The following GSDME variants were observed in gnomAD, a reference collection of about 807,000 sequenced individuals.
GSDME encodes the protein gasdermin E, also known as gasdermin-E.
Under a neutral mutation model 47.5 loss-of-function variants are expected in GSDME, and 44 were observed. That is an observed-to-expected ratio of 0.93 (90% CI 0.73 to 1.19). The LOEUF (loss-of-function observed/expected upper bound fraction) is 1.19, where lower values mean the gene tolerates loss of function less well. Among genes scored for constraint, GSDME ranks in the 50% most tolerant of loss-of-function variants. The pLI, the probability that GSDME is intolerant of heterozygous loss-of-function variation, is 0.00. For missense variants in GSDME, 663 were observed against 604.2 expected, an observed-to-expected ratio of 1.10 and a Z score of -1.02; for synonymous variants, 258 against 252.8, an observed-to-expected ratio of 1.02 and a Z score of -0.20.
In GSDME at chr7:24,706,273, C is replaced by T. The variant is rs745587452; in HGVS notation, c.1094G>A (p.Cys365Tyr). The part of the protein sequence containing the change: ...DLVAFLQLVG[C>Y]SLQGGCPGPE... ...GCCCGGACACCCACCCTGTAAGCTG[C>T]ACCCCACCAGCTGCAGGAAGGCCAC... Residue 365 changes from cysteine to tyrosine, a missense_variant, in exon 8 of 10, where the codon TGC (cysteine) becomes TAC (tyrosine). Coordinates refer to ENST00000645220, the MANE Select transcript of GSDME (RefSeq NM_001127453.2). The T allele has an allele frequency of 5.0e-6, 8 of 1,614,076 alleles. No homozygotes were observed. The highest frequency in any genetic ancestry group is 2.2e-5 in the South Asian group (2 of 91,090).
At chr7:24,795,455 C>T in the GSDME span, among the ~76,000 whole-genome samples, 3 of 152,106 alleles carry the variant, frequency 2.0e-5, no homozygotes, top group African/African-American at 4.8e-5. Context: ...CCGAGCTCCC[C>T]GAGTGAACAA....
intron 3 of GSDME, among the ~76,000 whole-genome samples, chr7:24,737,343 A>G (rs988645787): frequency 1.3e-5 from 2 of 152,080 alleles, no homozygotes. Flanking sequence ...AATTCAAAGG[A>G]TCATTAGAGG....
intron 4 of GSDME, among the ~76,000 whole-genome samples, chr7:24,718,391 C>T (rs371950711): frequency 2.6e-5 from 4 of 152,234 alleles, no homozygotes. Flanking sequence ...CACAGATCAG[C>T]TTGGTAAGAC....
rs1167590167 is a variant in GSDME, at chr7:24,724,833, C to T, written c.405-5615G>A. The T allele has an allele frequency of 2.0e-5, 3 of 152,288 alleles. No homozygotes were observed. The highest frequency in any genetic ancestry group is 4.4e-5 in the Non-Finnish European group (3 of 68,128). The allele number at this position is 152,288 out of a possible 1,614,324, so 9.4% of individuals were successfully genotyped here. On this transcript the variant is annotated intron_variant, in intron 3 of 9. Coordinates refer to ENST00000645220, the MANE Select transcript of GSDME (RefSeq NM_001127453.2). This position sits in a 1 kb window ranked among gnomAD's most constrained non-coding sequence, Gnocchi z 4.8. ...GGGCCCTGGTGGGAGGTGTCTGGGT[C>T]ACGGGGGTGGATCCCTCATGAAAGG...
Position 24,710,083 on chromosome 7 carries a change from G to A in GSDME, c.862+141C>T, listed in dbSNP as rs143196549. 1.7e-5 allele frequency: 16 copies of A among 926,676 alleles called. No homozygotes were observed. The African/African-American group carries it at 2.3e-4, about 13-fold the overall frequency. 57.4% of individuals were successfully genotyped at this position (926,676 alleles called of 1,614,324 possible). A position where few individuals can be genotyped will look rare whatever the true frequency, so the allele number is the denominator to read the frequency against. ...AGGTGAGTCCTGCCGAGTGGACTGG[G>A]CCTCGGCGGCATCACCTCTCTTCTC... On this transcript the variant is annotated intron_variant, in intron 6 of 9. Coordinates refer to ENST00000645220, the MANE Select transcript of GSDME (RefSeq NM_001127453.2).
the GSDME span, among the ~76,000 whole-genome samples, chr7:24,764,123 G>A: frequency 6.6e-6 from 1 of 152,200 alleles, no homozygotes; most frequent in Admixed American, 6.5e-5. The surrounding 1 kb of genome is among the most constrained non-coding windows in gnomAD (Gnocchi z 4.4). Flanking sequence ...AGGGGAGTAT[G>A]AGAATTGTGT....
the GSDME span, among the ~76,000 whole-genome samples, chr7:24,777,891 T>A: frequency 6.6e-6 from 1 of 152,060 alleles, no homozygotes; most frequent in Non-Finnish European, 1.5e-5. Context: ...AAACAAAGTT[T>A]ATGAAACCAT....
At chr7:24,766,766 G>A in the GSDME span, among the ~76,000 whole-genome samples, 3 of 152,178 alleles carry the variant, frequency 2.0e-5, no homozygotes, top group Non-Finnish European at 2.9e-5. The surrounding 1 kb of genome is among the most constrained non-coding windows in gnomAD (Gnocchi z 4.2). Flanking sequence ...GTAAACATAC[G>A]TGTGCATGTG....
chr7:24,701,002 T>TCTAA (rs1266621323), intron 9 of GSDME, among the ~76,000 whole-genome samples: 1 of 152,234 alleles, frequency 6.6e-6, no homozygotes, highest in African/African-American at 2.4e-5. Context: ...CTCTACTGAT[T>TCTAA]CTAACTCACC....
rs543716027 is a variant in GSDME, at chr7:24,711,651, C to CA, written c.698-1264dup. Among the ~76,000 whole-genome samples, 249 of 151,964 alleles carry CA rather than the reference C, an allele frequency of 1.6e-3. 1 individual carries two copies. Among genetic ancestry groups the CA allele is most frequent in the Non-Finnish European group, 2.4e-3 (165 of 67,944 alleles). On this transcript the variant is annotated intron_variant, in intron 5 of 9. Coordinates refer to ENST00000645220, the MANE Select transcript of GSDME (RefSeq NM_001127453.2). ...GCAACATAGTGAGACCCCGTCTCTA[C>CA]AAAAAAATTTAAAATGAGCTGGGCA...
rs779844088 is a variant in GSDME, at chr7:24,702,737, G to A, written c.1257+23C>T. 1.9e-6 allele frequency: 3 copies of A among 1,607,708 alleles called. No homozygotes were observed. In the East Asian group the frequency reaches 6.7e-5, roughly 36 times the overall value. On this transcript the variant is annotated intron_variant, in intron 9 of 9. Coordinates refer to ENST00000645220, the MANE Select transcript of GSDME (RefSeq NM_001127453.2). Reference sequence around the variant, plus strand: ...TTTCCCCATTCCTATCCATTCTAAGGTCCCACCTGGGAGGTTGCTTACCAA... The same window carrying A: ...TTTCCCCATTCCTATCCATTCTAAGATCCCACCTGGGAGGTTGCTTACCAA...
At position 24,706,301 on chromosome 7, in the gene GSDME, G is replaced by A; in HGVS notation, c.1066C>T (p.Leu356Phe). The A allele has an allele frequency of 6.2e-7, 1 of 1,614,056 alleles. No individual in the cohort carries two copies. The highest frequency in any genetic ancestry group is 1.3e-5 in the African/African-American group (1 of 75,044). The change falls in exon 8 of 10, where the codon CTT becomes TTT. Residue 356 changes from leucine to phenylalanine, a missense_variant. Physicochemically the swap from Leu to Phe is conservative, Grantham distance 22. Coordinates refer to ENST00000645220, the MANE Select transcript of GSDME (RefSeq NM_001127453.2). The stretch of plus-strand genomic sequence containing the variant: ...CCCACCAGCTGCAGGAAGGCCACAA[G>A]GTCCTGCTGCTGCCGGGGCTTCAGC... Reference protein sequence around the residue: ...GELKPRQQQDLVAFLQLVGCS... With the variant: ...GELKPRQQQDFVAFLQLVGCS...
At chr7:24,702,386 A>G (rs1221561094) in intron 9 of GSDME, 6 of 353,314 alleles carry the variant, frequency 1.7e-5, no homozygotes, top group African/African-American at 8.6e-5. Context: ...GCAGAGCTCA[A>G]TCAAACCAGT....
At chr7:24,701,808 CAG>C (rs1788880475) in intron 9 of GSDME, among the ~76,000 whole-genome samples, 1 of 152,192 alleles carries the variant, frequency 6.6e-6, no homozygotes, top group Admixed American at 6.5e-5. Context: ...TGGAATCTTT[CAG>C]TTGTGATACC....
chr7:24,704,856 T>G (rs1026847287), intron 8 of GSDME: 1 of 152,074 alleles, frequency 6.6e-6, no homozygotes, highest in Non-Finnish European at 1.5e-5. Context: ...CATGCCTGGC[T>G]AATTTATTTT....
chr7:24,775,012 A>G, the GSDME span, among the ~76,000 whole-genome samples: 1 of 152,098 alleles, frequency 6.6e-6, no homozygotes, highest in African/African-American at 2.4e-5. Context: ...TGGCCCTGGG[A>G]TTTTGCCATC....
At position 24,736,248 on chromosome 7, in the gene GSDME, A is replaced by C. The variant is rs1790301714; in HGVS notation, c.404+8314T>G. Among the ~76,000 whole-genome samples, 1 of 152,210 alleles carries C rather than the reference A, an allele frequency of 6.6e-6. No homozygotes were observed. The highest frequency in any genetic ancestry group is 1.5e-5 in the Non-Finnish European group (1 of 68,048). Reference sequence around the variant, plus strand: ...GGCTAAATGGATTAAAAACAACAAAAAAAGACCAAATGATCTGTTGCCTAC... The same window carrying C: ...GGCTAAATGGATTAAAAACAACAAACAAAGACCAAATGATCTGTTGCCTAC... On this transcript the variant is annotated intron_variant, in intron 3 of 9. Coordinates refer to ENST00000645220, the MANE Select transcript of GSDME (RefSeq NM_001127453.2). This position sits in a 1 kb window ranked among gnomAD's most constrained non-coding sequence, Gnocchi z 4.6.
chr7:24,795,393 T>C, the GSDME span, among the ~76,000 whole-genome samples: 1 of 151,726 alleles, frequency 6.6e-6, no homozygotes, highest in Non-Finnish European at 1.5e-5. Context: ...AGACACCGAG[T>C]TGAGGAAGGA....
At position 24,706,441 on chromosome 7, in the gene GSDME, C is replaced by A. The variant is rs376132782; in HGVS notation, c.991-65G>T. ...AGACCAAGCGCCACAGCTGGGGCCTCCGCTCACAGTACACACAAGCCCCAG... is the reference window on the plus strand; with the variant it reads ...AGACCAAGCGCCACAGCTGGGGCCTACGCTCACAGTACACACAAGCCCCAG... On this transcript the variant is annotated intron_variant, in intron 7 of 9. Coordinates refer to ENST00000645220, the MANE Select transcript of GSDME (RefSeq NM_001127453.2). 3.3e-5 allele frequency: 50 copies of A among 1,513,892 alleles called. 1 individual carries two copies. The Middle Eastern group carries it at 9.3e-4, about 28-fold the overall frequency. The allele number at this position is 1,513,892 out of a possible 1,614,324, so 93.8% of individuals were successfully genotyped here.
Sources: allele counts gnomAD v4.1 joint callset (sites outside exome capture counted in the v4.1 genomes callset), GRCh38; gene constraint gnomAD v4.1.1; non-coding constraint Gnocchi (gnomAD v3.1); transcripts MANE v1.5; gene names NCBI Gene and HGNC (gene_info 2026-07-23, HGNC 2026-07-21).